Variants in TTBK1 observed in about 807,000 individuals in gnomAD.
TTBK1 encodes the protein tau-tubulin kinase 1.
A neutral mutation model predicts 108.5 loss-of-function variants in TTBK1; 34 were observed. That is an observed-to-expected ratio of 0.31 (90% confidence interval 0.24 to 0.42). TTBK1 has a LOEUF of 0.42. Among genes scored for constraint, TTBK1 ranks in the 10% least tolerant of loss-of-function variants. The pLI, the probability that TTBK1 is intolerant of heterozygous loss-of-function variation, is 1.00. For missense variants in TTBK1, 1,539 were observed against 1,826.0 expected, an observed-to-expected ratio of 0.84 and a Z score of 2.86; for synonymous variants, 809 against 795.1, an observed-to-expected ratio of 1.02 and a Z score of -0.29.
At position 43,256,577 on chromosome 6, in the gene TTBK1, A is replaced by G. The variant is rs1306286965; in HGVS notation, c.861+721A>G. On this transcript the variant is annotated intron_variant, in intron 9 of 14. Coordinates refer to ENST00000259750, the MANE Select transcript of TTBK1 (RefSeq NM_032538.3). Reference sequence around the variant, plus strand: ...AGCATGGTGAAACCCTGTTTCTACTAAAAATACAAAAATTAGCCGGGTGTG... The same window carrying G: ...AGCATGGTGAAACCCTGTTTCTACTGAAAATACAAAAATTAGCCGGGTGTG... 2.6e-5 allele frequency among the ~76,000 whole-genome samples: 4 copies of G among 152,114 alleles called. 1 individual carries two copies. The East Asian group carries it at 7.8e-4, about 30-fold the overall frequency.
rs1778372556 is a variant in TTBK1, at chr6:43,285,958, A to C, written c.*582A>C. The C allele has an allele frequency of 6.5e-6, 1 of 152,768 alleles. No homozygotes were observed. Among genetic ancestry groups the C allele is most frequent in the South Asian group, 2.1e-4 (1 of 4,826 alleles). The allele number at this position is 152,768 out of a possible 1,614,324, so 9.5% of individuals were successfully genotyped here. ...GGCCAGGGACGGCCTCTGGACTGCCAGGCTGGGTTGGGGACCCAGGGAACA... is the reference window on the plus strand; with the variant it reads ...GGCCAGGGACGGCCTCTGGACTGCCCGGCTGGGTTGGGGACCCAGGGAACA... On this transcript the variant is annotated 3_prime_UTR_variant, in exon 15 of 15. Coordinates refer to ENST00000259750, the MANE Select transcript of TTBK1 (RefSeq NM_032538.3). The surrounding 1 kb of genome is among the most constrained non-coding windows in gnomAD (Gnocchi z 4.7).
chr6:43,265,026 T>C lies in TTBK1; in HGVS notation c.1986+1676T>C, dbSNP rs2150697600. 6.6e-6 allele frequency among the ~76,000 whole-genome samples: 1 copy of C among 152,336 alleles called. No homozygotes were observed. The highest frequency in any genetic ancestry group is 2.4e-5 in the African/African-American group (1 of 41,568). On this transcript the variant is annotated intron_variant, in intron 13 of 14. Transcript: ENST00000259750. The surrounding 1 kb of genome is among the most constrained non-coding windows in gnomAD (Gnocchi z 4.1). ...GGTGTCAGAATAGGCAGAGAGCCAC[T>C]GGCCTGACCAGGCTTTGCTGTGTGG... is the stretch of plus-strand genomic sequence containing the variant.
chr6:43,249,664 C>T (rs991129630), intron 2 of TTBK1, among the ~76,000 whole-genome samples: 76 of 151,732 alleles, frequency 5.0e-4, no homozygotes, highest in Non-Finnish European at 1.2e-4. Context: ...GCAACCTCTG[C>T]CTCCCAGATT....
At chr6:43,260,285 G>A (rs1777503983) in intron 12 of TTBK1, among the ~76,000 whole-genome samples, 1 of 152,180 alleles carries the variant, frequency 6.6e-6, no homozygotes, top group South Asian at 2.1e-4. Flanking sequence ...TCGGATGGTG[G>A]GTGGACAACA....
intron 1 of TTBK1, among the ~76,000 whole-genome samples, chr6:43,244,538 G>A (rs956399423): frequency 6.6e-6 from 1 of 152,194 alleles, no homozygotes; most frequent in Non-Finnish European, 1.5e-5. Context: ...GCAGCCAAGT[G>A]TCCCATGTTT....
In TTBK1 at chr6:43,285,220, C is replaced by G; in HGVS notation, c.3810C>G (p.Val1270=). 8 of 1,304,334 alleles carry G rather than the reference C, an allele frequency of 6.1e-6. No individual in the cohort carries two copies. The highest frequency in any genetic ancestry group is 2.3e-5 in the South Asian group (1 of 42,898). 80.8% of individuals were successfully genotyped at this position (1,304,334 alleles called of 1,614,324 possible). A position where few individuals can be genotyped will look rare whatever the true frequency, so the allele number is the denominator to read the frequency against. ...PSPSHQARPG[V]PPPRGVPPAR... is the part of the protein sequence containing the mutation. ...CCTCGCACCAGGCCCGGCCCGGGGT[C>G]CCCCCGCCCCGGGGCGTCCCGCCGG... Residue 1270 remains valine, a synonymous_variant, in exon 15 of 15, where the codon GTC becomes GTG. Coordinates refer to ENST00000259750, the MANE Select transcript of TTBK1 (RefSeq NM_032538.3). The surrounding 1 kb of genome is among the most constrained non-coding windows in gnomAD (Gnocchi z 4.7).
intron 13 of TTBK1, among the ~76,000 whole-genome samples, chr6:43,275,397 C>T (rs925691139): frequency 1.5e-4 from 23 of 150,804 alleles, no homozygotes; most frequent in Non-Finnish European, 3.0e-4. Context: ...TTTTCGTTTG[C>T]TTTTCCCTGC....
intron 2 of TTBK1, among the ~76,000 whole-genome samples, chr6:43,249,893 A>C (rs1777191370): frequency 6.6e-6 from 1 of 152,092 alleles, no homozygotes; most frequent in Admixed American, 6.5e-5. Context: ...ATGATTTTAA[A>C]AGAAATTAAA....
chr6:43,282,832 C>T lies in TTBK1; in HGVS notation c.2092C>T (p.Arg698Trp), dbSNP rs763736859. 17 of 1,614,058 alleles carry T rather than the reference C, an allele frequency of 1.1e-5. No individual in the cohort carries two copies. Among genetic ancestry groups the T allele is most frequent in the South Asian group, 5.5e-5 (5 of 91,066 alleles). The change falls in exon 14 of 15, where the codon CGG becomes TGG. Residue 698 changes from arginine to tryptophan, a missense_variant. Physicochemically the swap from Arg to Trp is moderately radical, Grantham distance 101. Coordinates refer to ENST00000259750, the MANE Select transcript of TTBK1 (RefSeq NM_032538.3). The surrounding 1 kb of genome is among the most constrained non-coding windows in gnomAD (Gnocchi z 5.4). ...FKRDLSDYRE[R>W]ARLLNRVRRV... ...AAGAGACCTCTCCGATTACCGAGAA[C>T]GGGCGCGGTTGCTCAACAGGGTCCG...
chr6:43,280,646 C>A (rs1778130669), intron 13 of TTBK1, among the ~76,000 whole-genome samples: 2 of 152,170 alleles, frequency 1.3e-5, no homozygotes, highest in South Asian at 2.1e-4. Flanking sequence ...CCTCAGGGAT[C>A]TCTGTGTATC....
At chr6:43,281,456 A>G (rs1267959709) in intron 13 of TTBK1, among the ~76,000 whole-genome samples, 2 of 151,996 alleles carry the variant, frequency 1.3e-5, no homozygotes, top group African/African-American at 2.4e-5. Flanking sequence ...GAGAGATGGA[A>G]TCAGATTAAG....
In TTBK1 at chr6:43,253,461, G is replaced by T. The variant is rs1022607155; in HGVS notation, c.330+97G>T. 2 of 1,597,564 alleles carry T rather than the reference G, an allele frequency of 1.3e-6. No homozygotes were observed. Among genetic ancestry groups the T allele is most frequent in the African/African-American group, 2.7e-5 (2 of 74,368 alleles). On this transcript the variant is annotated intron_variant, in intron 4 of 14. Transcript: ENST00000259750. This position sits in a 1 kb window ranked among gnomAD's most constrained non-coding sequence, Gnocchi z 5.8. Reference sequence around the variant, plus strand: ...AAGGTAGACTGTGGCCCTGGGAAAGGGCAGTGGGCACAACCCTTTGGGGTG... The same window carrying T: ...AAGGTAGACTGTGGCCCTGGGAAAGTGCAGTGGGCACAACCCTTTGGGGTG...
At chr6:43,267,963 T>C (rs2150700578) in intron 13 of TTBK1, among the ~76,000 whole-genome samples, 1 of 152,270 alleles carries the variant, frequency 6.6e-6, no homozygotes. Context: ...GGGGTGGAGA[T>C]GCAAAGGTCT....
rs2756187 is a variant in TTBK1, at chr6:43,272,207, C to G, written c.1986+8857C>G. On this transcript the variant is annotated intron_variant, in intron 13 of 14. Transcript: ENST00000259750. ...GCAGCAGTGTGGGCAAGGGCCCCCC[C>G]ACCCAATCTGGGGTTGGATGAAACC... 5 of 985,428 alleles carry G rather than the reference C, an allele frequency of 5.1e-6. No homozygotes were observed. The South Asian group carries it at 1.9e-4, about 37-fold the overall frequency. The allele number at this position is 985,428 out of a possible 1,614,324, so 61.0% of individuals were successfully genotyped here. A position where few individuals can be genotyped will look rare whatever the true frequency, so the allele number is the denominator to read the frequency against.
In TTBK1 at chr6:43,283,909, C is replaced by T; in HGVS notation, c.3169C>T (p.Pro1057Ser). The change falls in exon 14 of 15, where the codon CCT (proline) becomes TCT (serine). Residue 1057 changes from proline to serine, a missense_variant. Physicochemically the swap from Pro to Ser is moderately conservative, Grantham distance 74. Around this residue, in one of 5 missense-constraint regions of TTBK1, gnomAD observed 1,055 missense variants for 1,086.5 expected, o/e 0.97. Coordinates refer to ENST00000259750, the MANE Select transcript of TTBK1 (RefSeq NM_032538.3). The surrounding 1 kb of genome is among the most constrained non-coding windows in gnomAD (Gnocchi z 8.1). ...AGGCTCTCGCCCCAGGAGCCGTATC[C>T]CTGTCCTGCTCTCTGAGGAGGACAC... ...MPGSRPRSRIPVLLSEEDTGS... is the reference protein window; with the variant it reads ...MPGSRPRSRISVLLSEEDTGS... The T allele has an allele frequency of 6.2e-7, 1 of 1,613,012 alleles. No individual in the cohort carries two copies. The highest frequency in any genetic ancestry group is 8.5e-7 in the Non-Finnish European group (1 of 1,179,358).
Position 43,284,326 on chromosome 6 carries a change from G to C in TTBK1, c.3572+14G>C. On this transcript the variant is annotated intron_variant, in intron 14 of 14. Transcript: ENST00000259750. ...CATCACCAGCAGGTGAGAAACCGCT[G>C]CCAGCCCCAGGGTGGGCAGAGGGTG... The C allele has an allele frequency of 6.5e-7, 1 of 1,535,886 alleles. No individual in the cohort carries two copies. The highest frequency in any genetic ancestry group is 1.2e-5 in the South Asian group (1 of 82,378).
intron 13 of TTBK1, among the ~76,000 whole-genome samples, chr6:43,267,367 A>C (rs1777709046): frequency 6.6e-6 from 1 of 152,136 alleles, no homozygotes; most frequent in Non-Finnish European, 1.5e-5. Context: ...CTCTCCACCC[A>C]CAGGCGGAGA....
chr6:43,252,756 C>G lies in TTBK1; in HGVS notation c.126C>G (p.Gly42=). The part of the protein sequence containing the change: ...DRWKVLKKIG[G]GGFGEIYEAM... ...CTTCATAGCTGAAAAAGATCGGGGG[C>G]GGGGGCTTTGGTGAGATCTACGAGG... Residue 42 remains glycine, a synonymous_variant, in exon 3 of 15, where the codon GGC becomes GGG. Transcript: ENST00000259750. 6.2e-7 allele frequency: 1 copy of G among 1,613,868 alleles called. No individual in the cohort carries two copies. Among genetic ancestry groups the G allele is most frequent in the Non-Finnish European group, 8.5e-7 (1 of 1,179,960 alleles).
intron 10 of TTBK1, 136 bp downstream of exon 10, chr6:43,258,102 TTGGGAAACTC>T: frequency 9.6e-7 from 1 of 1,041,542 alleles, no homozygotes; most frequent in Non-Finnish European, 1.3e-6. Flanking sequence ...TTCTGGGACT[TTGGGAAACTC>T]TGCCACATCT....
Sources: gnomAD v4.1 joint callset for allele counts (sites outside exome capture counted in the v4.1 genomes callset) on GRCh38, gnomAD v4.1.1 for gene constraint, gnomAD v4.1.1 regional missense constraint, Gnocchi (gnomAD v3.1) non-coding constraint, MANE v1.5 for transcripts, NCBI Gene and HGNC (gene_info 2026-07-23, HGNC 2026-07-21) for gene names.